The following MYOM3 variants were observed in gnomAD, a reference collection of about 807,000 sequenced individuals.
MYOM3 encodes myomesin 3, also known as myomesin-3.
MYOM3 carries 155 observed loss-of-function variants against 191.7 expected under a neutral mutation model. The ratio of observed to expected loss-of-function variants is 0.81; its 90% CI spans 0.71 to 0.92. The LOEUF (loss-of-function observed/expected upper bound fraction) is 0.92. MYOM3 is among the 40% of genes least tolerant of loss of function. MYOM3 has a pLI of 0.00. For synonymous variants in MYOM3, 757 were observed against 762.9 expected (o/e 0.99, Z 0.13); for missense variants, 1,889 against 1,890.6 (o/e 1.00, Z 0.02).
At chr1:24,108,455 C>A (rs757132940) in intron 2 of MYOM3, 21 bp downstream of exon 2, 1 of 1,531,322 alleles carries the variant, frequency 6.5e-7, no homozygotes, top group Admixed American at 2.0e-5. Flanking sequence ...AGTGGCTGGG[C>A]GGGGACCCTG....
intron 20 of MYOM3, among the ~76,000 whole-genome samples, chr1:24,078,686 A>G (rs1343995740): frequency 6.6e-6 from 1 of 152,226 alleles, no homozygotes; most frequent in East Asian, 1.9e-4. Context: ...TAATCCACAT[A>G]ACATTCTTAC....
chr1:24,098,053 G>T, intron 6 of MYOM3, 42 bp from the exon 7 acceptor site: 1 of 1,313,944 alleles, frequency 7.6e-7, no homozygotes, highest in Non-Finnish European at 1.1e-6. Flanking sequence ...AGACTGCTGG[G>T]CTCCATGGGA....
intron 21 of MYOM3, 124 bp downstream of exon 21, chr1:24,076,035 T>TG (rs1643594547): frequency 2.9e-6 from 2 of 693,138 alleles, no homozygotes; most frequent in African/African-American, 1.8e-5. Context: ...AGGGGCTTGC[T>TG]GGAGGGCCAG....
Position 24,086,738 on chromosome 1 carries a change from C to A in MYOM3, c.1704G>T (p.Lys568Asn), listed in dbSNP as rs1204067468. 1.9e-6 allele frequency: 3 copies of A among 1,614,234 alleles called. No individual in the cohort carries two copies. The highest frequency in any genetic ancestry group is 2.5e-6 in the Non-Finnish European group (3 of 1,180,036). Residue 568 changes from lysine to asparagine, a missense_variant, in exon 15 of 37, where the codon AAG becomes AAT. Physicochemically the swap from Lys to Asn is moderately conservative, Grantham distance 94. Transcript: ENST00000374434. ...PRFAVLDLEK[K>N]KSYVFRVRAM... is the part of the protein sequence containing the mutation. The stretch of plus-strand genomic sequence containing the variant: ...CTCGCACTCTGAAGACATACGACTT[C>A]TTTTTCTCCAGGTCCAGAACGGCGA...
Position 24,065,925 on chromosome 1 carries a change from G to C in MYOM3, c.3500C>G (p.Pro1167Arg), listed in dbSNP as rs1643428420. ...GCAGAGAAGTCCCGTTCCCGTCTCT[G>C]GGTCATACTGACCATCTGGCATCTC... The part of the protein sequence containing the change: ...RAEMPDGQYD[P>R]ETGTGLLCIE... The change falls in exon 29 of 37, where the codon CCA becomes CGA. Residue 1167 changes from proline (P) to arginine (R), a missense_variant. Pro to Arg is a moderately radical substitution (Grantham distance 103, BLOSUM62 -2). Transcript: ENST00000374434. 2 of 1,613,432 alleles carry C rather than the reference G, an allele frequency of 1.2e-6. No individual in the cohort carries two copies. The highest frequency in any genetic ancestry group is 1.7e-6 in the Non-Finnish European group (2 of 1,179,460).
intron 5 of MYOM3, among the ~76,000 whole-genome samples, chr1:24,104,733 G>A (rs1392676684): frequency 6.6e-6 from 1 of 152,182 alleles, no homozygotes; most frequent in African/African-American, 2.4e-5. Flanking sequence ...ATTTCCTGTA[G>A]AGATGGGGTC....
chr1:24,072,079 C>G, intron 23 of MYOM3, 66 bp from the exon 24 acceptor site: 1 of 1,513,092 alleles, frequency 6.6e-7, no homozygotes, highest in South Asian at 1.1e-5. Context: ...GGTGGGGGGC[C>G]CACAGGAGCC....
intron 17 of MYOM3, 88 bp from the exon 18 acceptor site, chr1:24,082,276 C>T (rs1007818370): frequency 1.7e-6 from 2 of 1,201,080 alleles, no homozygotes; most frequent in Admixed American, 2.6e-5. Flanking sequence ...CGAGCCTCCT[C>T]TAGTTGGTGC....
chr1:24,085,926 T>G lies in MYOM3; in HGVS notation c.1798+718A>C, dbSNP rs150726028. 3.5e-3 allele frequency among the ~76,000 whole-genome samples: 535 copies of G among 152,304 alleles called. 5 individuals carry two copies. The highest frequency in any genetic ancestry group is 0.012 in the African/African-American group (501 of 41,556). On this transcript the variant is annotated intron_variant, in intron 15 of 36. Transcript: ENST00000374434. Reference sequence around the variant, plus strand: ...TTGAAATCTTCCCCAAATGGGACCTTCAGCAAACCAGGCTTTTCTTGCATA... The same window carrying G: ...TTGAAATCTTCCCCAAATGGGACCTGCAGCAAACCAGGCTTTTCTTGCATA...
At position 24,089,429 on chromosome 1, in the gene MYOM3, G is replaced by A. The variant is rs79508790; in HGVS notation, c.1614+109C>T. On this transcript the variant is annotated intron_variant, in intron 14 of 36. Coordinates refer to ENST00000374434, the MANE Select transcript of MYOM3 (RefSeq NM_152372.4). ...GGCCATGCCTGGGCCCTTCTGGCCAGGGGATTCTCTTTCATTCTCTGACGG... is the reference window on the plus strand; with the variant it reads ...GGCCATGCCTGGGCCCTTCTGGCCAAGGGATTCTCTTTCATTCTCTGACGG... 1.8e-3 allele frequency: 2,511 copies of A among 1,395,904 alleles called. 39 individuals are homozygous for A. The African/African-American group carries it at 0.033, about 19-fold the overall frequency. 86.5% of individuals were successfully genotyped at this position (1,395,904 alleles called of 1,614,324 possible).
In MYOM3 at chr1:24,057,590, G is replaced by A; in HGVS notation, c.4088C>T (p.Thr1363Ile). ...ATTCTTCAGCCAAGAGATTTCAGGG[G>A]TGGGGTCTCCTGAGACGATGCAAGT... ...CLTCIVSGDP[T>I]PEISWLKNDQ... The change falls in exon 37 of 37, where the codon ACC becomes ATC. Residue 1363 changes from threonine to isoleucine, a missense_variant. Physicochemically the swap from Thr to Ile is moderately conservative, Grantham distance 89. Transcript: ENST00000374434. 6.2e-7 allele frequency: 1 copy of A among 1,614,128 alleles called. No individual in the cohort carries two copies. The highest frequency in any genetic ancestry group is 8.5e-7 in the Non-Finnish European group (1 of 1,179,990).
intron 7 of MYOM3, 43 bp downstream of exon 7, chr1:24,097,880 T>A (rs1267793792): frequency 7.7e-7 from 1 of 1,299,588 alleles, no homozygotes; most frequent in East Asian, 2.3e-5. Context: ...CCAGCTTGGG[T>A]TTGCTGTGGC....
At chr1:24,059,376 C>T (rs1371545314) in intron 35 of MYOM3, among the ~76,000 whole-genome samples, 1 of 152,278 alleles carries the variant, frequency 6.6e-6, no homozygotes, top group Non-Finnish European at 1.5e-5. Flanking sequence ...CTCAAGCAAT[C>T]CTCCTGCCTT....
In MYOM3 at chr1:24,111,688, G is replaced by A. The variant is rs920850775; in HGVS notation, c.-19+343C>T. On this transcript the variant is annotated intron_variant, in intron 1 of 36. Transcript: ENST00000374434. The surrounding 1 kb of genome is among the most constrained non-coding windows in gnomAD (Gnocchi z 4.7). The stretch of plus-strand genomic sequence containing the variant: ...AACTTGCCAGCTTAGCCTGGCTCCC[G>A]CTTATCGCTGCTCCATCACAGGAAA... Among the ~76,000 whole-genome samples the A allele has an allele frequency of 3.3e-5, 5 of 151,836 alleles. No homozygotes were observed. Among genetic ancestry groups the A allele is most frequent in the African/African-American group, 9.7e-5 (4 of 41,300 alleles).
intron 27 of MYOM3, among the ~76,000 whole-genome samples, chr1:24,067,622 C>T (rs950493284): frequency 2.6e-5 from 4 of 151,846 alleles, no homozygotes; most frequent in African/African-American, 4.8e-5. Flanking sequence ...CCACCATGCT[C>T]GGCTAATTTT....
At chr1:24,074,099 G>A in intron 23 of MYOM3, 61 bp downstream of exon 23, 2 of 1,374,308 alleles carry the variant, frequency 1.5e-6, no homozygotes, top group Non-Finnish European at 2.1e-6. Context: ...GACCTGTGTG[G>A]GCATTTGTGT....
chr1:24,086,205 C>CATTT (rs1359535139), intron 15 of MYOM3, among the ~76,000 whole-genome samples: 1 of 152,026 alleles, frequency 6.6e-6, no homozygotes, highest in Non-Finnish European at 1.5e-5. Flanking sequence ...TCTCCCAGGT[C>CATTT]CCCCGTTATG....
intron 14 of MYOM3, among the ~76,000 whole-genome samples, chr1:24,089,328 G>A (rs1320905757): frequency 3.9e-5 from 6 of 152,222 alleles, no homozygotes; most frequent in Admixed American, 2.6e-4. Flanking sequence ...CCTCAGGAAC[G>A]ACCAGCAGTG....
At chr1:24,102,312 C>G (rs79813911) in intron 5 of MYOM3, among the ~76,000 whole-genome samples, 2,676 of 152,236 alleles carry the variant, frequency 0.018, 92 homozygotes, top group African/African-American at 0.062. Flanking sequence ...TCCAGCTCTC[C>G]AGGCCTGGGG....
Sources: gnomAD v4.1 joint callset for allele counts (sites outside exome capture counted in the v4.1 genomes callset) on GRCh38, gnomAD v4.1.1 for gene constraint, Gnocchi (gnomAD v3.1) non-coding constraint, MANE v1.5 for transcripts, NCBI Gene and HGNC (gene_info 2026-07-23, HGNC 2026-07-21) for gene names.